Variants in ATP2B2 observed in about 807,000 individuals in gnomAD.
The protein encoded by ATP2B2 is ATPase plasma membrane Ca2+ transporting 2.
Under a neutral mutation model 120.0 loss-of-function variants are expected in ATP2B2, and 15 were observed. The ratio of observed to expected loss-of-function variants is 0.12; its 90% CI spans 0.08 to 0.19. ATP2B2 has a LOEUF of 0.19. Among genes scored for constraint, ATP2B2 ranks in the 10% least tolerant of loss-of-function variants. The pLI, the probability that ATP2B2 is intolerant of heterozygous loss-of-function variation, is 1.00. For synonymous variants in ATP2B2, 694 were observed against 700.3 expected (o/e 0.99, Z 0.14); for missense variants, 1,045 against 1,719.8 (o/e 0.61, Z 6.94).
chr3:10,543,872 G>C (rs1335566298), intron 2 of ATP2B2, among the ~76,000 whole-genome samples: 3 of 151,898 alleles, frequency 2.0e-5, no homozygotes, highest in African/African-American at 4.8e-5. Context: ...CTGGGTACCT[G>C]GGACTACAGG....
intron 1 of ATP2B2, among the ~76,000 whole-genome samples, chr3:10,675,476 T>G (rs1411297083): frequency 1.3e-5 from 2 of 152,208 alleles, no homozygotes; most frequent in Non-Finnish European, 2.9e-5. Flanking sequence ...AAAGAGTGAA[T>G]CAGGCCACAT....
At chr3:10,440,100 TAAAAAAAAAAAAAAAA>T (rs71055819) in intron 2 of ATP2B2, among the ~76,000 whole-genome samples, 4 of 28,170 alleles carry the variant, frequency 1.4e-4, no homozygotes, top group East Asian at 1.5e-3. Flanking sequence ...AGACTCTATC[TAAAAAAAAAAAAAAAA>T]AAAAAAAAAA....
chr3:10,426,542 G>A (rs1339656198), intron 2 of ATP2B2, among the ~76,000 whole-genome samples: 3 of 152,148 alleles, frequency 2.0e-5, no homozygotes, highest in Non-Finnish European at 1.5e-5. Flanking sequence ...CCTTGCTGTC[G>A]ACAGGAGGGA....
intron 2 of ATP2B2, among the ~76,000 whole-genome samples, chr3:10,604,889 C>A (rs754320540): frequency 1.6e-4 from 24 of 152,178 alleles, no homozygotes; most frequent in Non-Finnish European, 2.5e-4. Context: ...ACCTGCTCCC[C>A]CTCCTCCATG....
rs1313453790 is a variant in ATP2B2 at position 10,347,984 on chromosome 3, C to A, written c.2405-1847G>T. On this transcript the variant is annotated intron_variant, in intron 16 of 22. Coordinates refer to ENST00000360273, the MANE Select transcript of ATP2B2 (RefSeq NM_001001331.4). This position sits in a 1 kb window ranked among gnomAD's most constrained non-coding sequence, Gnocchi z 5.2. ...CTTGTCTTCCCGGCACCACTCCCCA[C>A]TGACCATCCTCCTGCCCCTCTAGCC... Among the ~76,000 whole-genome samples, 2 of 152,100 alleles carry A rather than the reference C, an allele frequency of 1.3e-5. No homozygotes were observed. Among genetic ancestry groups the A allele is most frequent in the Non-Finnish European group, 2.9e-5 (2 of 68,004 alleles).
chr3:10,576,234 C>T (rs956240443), intron 2 of ATP2B2, among the ~76,000 whole-genome samples: 14 of 152,196 alleles, frequency 9.2e-5, no homozygotes, highest in African/African-American at 3.1e-4. Context: ...CCGAGGATGT[C>T]CTGCGCACAC....
At chr3:10,670,886 C>T (rs1199132165) in intron 1 of ATP2B2, among the ~76,000 whole-genome samples, 3 of 152,326 alleles carry the variant, frequency 2.0e-5, no homozygotes, top group African/African-American at 7.2e-5. Flanking sequence ...TGTTTTACAA[C>T]AACAGAGCTG....
rs2065813728 is a variant in ATP2B2 at position 10,488,511 on chromosome 3, C to CTTCCTTCCTTCCTTCCTTCG, written c.-320+16953_-320+16954insCGAAGGAAGGAAGGAAGGAA. Among the ~76,000 whole-genome samples, 16 of 75,796 alleles carry CTTCCTTCCTTCCTTCCTTCG rather than the reference C, an allele frequency of 2.1e-4. 1 individual carries two copies. In the East Asian group the frequency reaches 2.5e-3, roughly 12 times the overall value. The allele number at this position is 75,796 out of a possible 152,430, so 49.7% of individuals were successfully genotyped here. ...CCTTCCTTCCTTCCTTCCTTCGTTC[C>CTTCCTTCCTTCCTTCCTTCG]TTCCTTCCTTCCTTCCTTCTTTCCT... On this transcript the variant is annotated intron_variant, in intron 1 of 22. Coordinates refer to ENST00000360273, the MANE Select transcript of ATP2B2 (RefSeq NM_001001331.4).
intron 1 of ATP2B2, among the ~76,000 whole-genome samples, chr3:10,458,367 A>G (rs1448579354): frequency 6.6e-6 from 1 of 152,180 alleles, no homozygotes; most frequent in Non-Finnish European, 1.5e-5. Flanking sequence ...TTTCTGCACA[A>G]CTTTTGGTTC....
rs576452820 is a variant in ATP2B2 at position 10,621,230 on chromosome 3, C to T, written c.-459-1269G>A. 8.9e-4 allele frequency among the ~76,000 whole-genome samples: 136 copies of T among 152,264 alleles called. 1 individual carries two copies. The highest frequency in any genetic ancestry group is 1.8e-3 in the Admixed American group (27 of 15,300). ...CTACTGCACACCCTTCAAATTCCTC[C>T]CACTGTTGAGCCAGCCTGTCCCCTT... is the stretch of plus-strand genomic sequence containing the variant. On this transcript the variant is annotated intron_variant, in intron 1 of 21. Transcript: ENST00000646379.
intron 1 of ATP2B2, among the ~76,000 whole-genome samples, chr3:10,470,988 A>C (rs1238667491): frequency 6.6e-6 from 1 of 152,162 alleles, no homozygotes; most frequent in African/African-American, 2.4e-5. Flanking sequence ...GGAGGGGTGG[A>C]GAACGGGGGG....
intron 1 of ATP2B2, among the ~76,000 whole-genome samples, chr3:10,488,489 TCC>T (rs1559402906): frequency 1.5e-4 from 16 of 103,506 alleles, no homozygotes; most frequent in African/African-American, 5.9e-4. Flanking sequence ...CTTCCTTCCT[TCC>T]TTCCTTCCTT....
chr3:10,368,185 CT>C (rs112756574), intron 12 of ATP2B2, among the ~76,000 whole-genome samples: 47,814 of 148,926 alleles, frequency 0.32, 8,075 homozygotes, highest in East Asian at 0.62. Context: ...TGCAAATACT[CT>C]TTTTTTTTTT....
At chr3:10,469,298 C>T (rs1477198575) in intron 1 of ATP2B2, among the ~76,000 whole-genome samples, 1 of 152,248 alleles carries the variant, frequency 6.6e-6, no homozygotes, top group African/African-American at 2.4e-5. Flanking sequence ...CATCACATCC[C>T]TATGAGGCAG....
At chr3:10,610,065 A>G (rs7644361) in intron 2 of ATP2B2, among the ~76,000 whole-genome samples, 56,809 of 130,306 alleles carry the variant, frequency 0.44, 13,509 homozygotes, top group Middle Eastern at 0.61. Flanking sequence ...ACACATATAC[A>G]TATACACACA....
rs780731851 is a variant in ATP2B2, at chr3:10,340,678, C to T, written c.2944G>A (p.Gly982Arg). ...GGCGAATGCAGGGGCGCGTTCCTCC[C>T]GCTGTCGATCTGGAACATCTTCTCG... ...VGEKMFQIDS[G>R]RNAPLHSPPS... Residue 982 changes from glycine (G) to arginine (R), a missense_variant, in exon 20 of 23, where the codon GGG (glycine) becomes AGG (arginine). Around this residue, in one of 11 missense-constraint regions of ATP2B2, gnomAD observed 211 missense variants for 385.1 expected, o/e 0.55. Transcript: ENST00000360273. The surrounding 1 kb of genome is among the most constrained non-coding windows in gnomAD (Gnocchi z 5.0). The T allele has an allele frequency of 3.7e-6, 6 of 1,614,094 alleles. No homozygotes were observed. Among genetic ancestry groups the T allele is most frequent in the East Asian group, 2.2e-5 (1 of 44,878 alleles).
intron 22 of ATP2B2, chr3:10,332,402 G>A (rs1045810448): frequency 3.1e-5 from 8 of 254,160 alleles, no homozygotes; most frequent in Middle Eastern, 1.3e-3. Context: ...CTACAGACTT[G>A]CTAAGCACAA....
intron 2 of ATP2B2, among the ~76,000 whole-genome samples, chr3:10,617,902 C>A (rs1305080221): frequency 6.6e-6 from 1 of 151,290 alleles, no homozygotes; most frequent in Non-Finnish European, 1.5e-5. Flanking sequence ...GCCCACCTGG[C>A]CATTTGCTCA....
intron 2 of ATP2B2, among the ~76,000 whole-genome samples, chr3:10,607,951 C>A (rs887133588): frequency 6.6e-6 from 1 of 152,184 alleles, no homozygotes; most frequent in Non-Finnish European, 1.5e-5. Context: ...CTCTCTCTTC[C>A]ACCTGCTCCT....
Sources: gnomAD v4.1 joint callset for allele counts (sites outside exome capture counted in the v4.1 genomes callset) on GRCh38, gnomAD v4.1.1 for gene constraint, gnomAD v4.1.1 regional missense constraint, Gnocchi (gnomAD v3.1) non-coding constraint, MANE v1.5 for transcripts, NCBI Gene and HGNC (gene_info 2026-07-23, HGNC 2026-07-21) for gene names.